The following CEP63 variants were observed in gnomAD, a reference collection of about 807,000 sequenced individuals.
CEP63 encodes the protein centrosomal protein of 63 kDa.
CEP63 carries 84 observed loss-of-function variants against 89.1 expected under a neutral mutation model. The ratio of observed to expected loss-of-function variants is 0.94; its 90% confidence interval spans 0.79 to 1.13. The LOEUF (loss-of-function observed/expected upper bound fraction) is 1.13, where lower values mean the gene tolerates loss of function less well. Among genes scored for constraint, CEP63 ranks in the 50% most tolerant of loss-of-function variants. CEP63 has a pLI of 0.00. For missense variants in CEP63, 838 were observed against 813.3 expected (o/e 1.03, Z -0.37); for synonymous variants, 267 against 272.5 (o/e 0.98, Z 0.20).
chr3:134,663,428 G>C, the CEP63 span, among the ~76,000 whole-genome samples: 1 of 152,204 alleles, frequency 6.6e-6, no homozygotes, highest in Non-Finnish European at 1.5e-5. Context: ...TCTCACTGCT[G>C]CAGAGCCTGT....
the CEP63 span, among the ~76,000 whole-genome samples, chr3:134,639,361 T>C: frequency 6.6e-6 from 1 of 152,162 alleles, no homozygotes; most frequent in Admixed American, 6.5e-5. Context: ...CATTATGAGA[T>C]GACAACCTAG....
At chr3:134,774,707 T>A in the CEP63 span, among the ~76,000 whole-genome samples, 2 of 152,174 alleles carry the variant, frequency 1.3e-5, no homozygotes. Flanking sequence ...TCAAGCCCAT[T>A]TGGGTCAGTA....
chr3:134,645,847 G>A, the CEP63 span, among the ~76,000 whole-genome samples: 1 of 152,206 alleles, frequency 6.6e-6, no homozygotes, highest in African/African-American at 2.4e-5. Flanking sequence ...AATAGTCAAT[G>A]TGTCACTTTG....
chr3:134,541,598 C>G (rs1421443410), intron 6 of CEP63, among the ~76,000 whole-genome samples: 1 of 150,648 alleles, frequency 6.6e-6, no homozygotes, highest in Non-Finnish European at 1.5e-5. Flanking sequence ...TCGCTGCAAC[C>G]TCCGCCTCCC....
rs1198871530 is a variant in CEP63 at position 134,546,217 on chromosome 3, C to T, written c.858C>T (p.Ala286=). 1.2e-6 allele frequency: 2 copies of T among 1,613,694 alleles called. No individual in the cohort carries two copies. The highest frequency in any genetic ancestry group is 2.2e-5 in the East Asian group (1 of 44,808). The change falls in exon 8 of 15, where the codon GCC becomes GCT. Residue 286 remains alanine (A), a synonymous_variant. Coordinates refer to ENST00000675561, the MANE Select transcript of CEP63 (RefSeq NM_001353108.3). ...LQSQENLIHE[A]RIQKEKLQEK... is the part of the protein sequence containing the mutation. ...CTCAAGAAAATCTCATACATGAGGC[C>T]AGAATACAAAAGGAGAAGTTACAAG...
the CEP63 span, among the ~76,000 whole-genome samples, chr3:134,708,951 A>C: frequency 2.0e-5 from 3 of 152,076 alleles, no homozygotes; most frequent in African/African-American, 4.8e-5. Context: ...TCCTGGGAAG[A>C]GGGAGTCAGA....
chr3:134,766,580 T>C, the CEP63 span, among the ~76,000 whole-genome samples: 2 of 152,228 alleles, frequency 1.3e-5, no homozygotes, highest in Admixed American at 1.3e-4. Context: ...GCCTGCCCAC[T>C]TTCTCCTAGT....
At chr3:134,578,947 A>T (rs1958282209), downstream of CEP63, among the ~76,000 whole-genome samples, 1 of 151,942 alleles carries the variant, frequency 6.6e-6, no homozygotes, top group Non-Finnish European at 1.5e-5. Flanking sequence ...TAGTAGAGAC[A>T]TGGTTTCACC....
chr3:134,632,388 A>G, the CEP63 span, among the ~76,000 whole-genome samples: 3 of 152,046 alleles, frequency 2.0e-5, no homozygotes, highest in African/African-American at 7.2e-5. Flanking sequence ...AAAAAGTTGA[A>G]GAGAACTGAA....
At chr3:134,607,499 C>T in the CEP63 span, 50 of 985,582 alleles carry the variant, frequency 5.1e-5, no homozygotes, top group Non-Finnish European at 5.9e-5. Flanking sequence ...GTGGCAGAGA[C>T]GGTGCCACCA....
At chr3:134,505,573 G>A (rs755540861) in intron 2 of CEP63, among the ~76,000 whole-genome samples, 2 of 152,162 alleles carry the variant, frequency 1.3e-5, no homozygotes, top group African/African-American at 2.4e-5. Context: ...GTAGCAGGCA[G>A]GGCAGATCAA....
chr3:134,526,088 A>G (rs866729819), intron 3 of CEP63, among the ~76,000 whole-genome samples: 1 of 152,116 alleles, frequency 6.6e-6, no homozygotes, highest in Non-Finnish European at 1.5e-5. Flanking sequence ...TAGATGTGGC[A>G]TCTTTACATA....
Position 134,561,924 on chromosome 3 carries a change from T to C in CEP63, c.*389T>C. ...TCTTTAGGGGAAATGTGTAGAAGCATGGATTTAGGGGTCAAACATACCTGG... is the reference window on the plus strand; with the variant it reads ...TCTTTAGGGGAAATGTGTAGAAGCACGGATTTAGGGGTCAAACATACCTGG... On this transcript the variant is annotated 3_prime_UTR_variant, in exon 15 of 15. Coordinates refer to ENST00000675561, the MANE Select transcript of CEP63 (RefSeq NM_001353108.3). 1 of 1,054,880 alleles carries C rather than the reference T, an allele frequency of 9.5e-7. No individual in the cohort carries two copies. Among genetic ancestry groups the C allele is most frequent in the Non-Finnish European group, 1.1e-6 (1 of 871,636 alleles). The allele number at this position is 1,054,880 out of a possible 1,614,324, so 65.3% of individuals were successfully genotyped here. A position where few individuals can be genotyped will look rare whatever the true frequency, so the allele number is the denominator to read the frequency against.
chr3:134,620,639 C>G, the CEP63 span: 8 of 746,430 alleles, frequency 1.1e-5, no homozygotes, highest in Admixed American at 1.1e-4. Flanking sequence ...GGGTCCCTGT[C>G]CCCCACCTTT....
At chr3:134,527,945 TG>T (rs1948997947) in intron 3 of CEP63, among the ~76,000 whole-genome samples, 1 of 152,188 alleles carries the variant, frequency 6.6e-6, no homozygotes, top group Non-Finnish European at 1.5e-5. Flanking sequence ...TGGCTATCCC[TG>T]GCCATGCCCC....
Position 134,561,932 on chromosome 3 carries a change from G to C in CEP63, c.*397G>C. On this transcript the variant is annotated 3_prime_UTR_variant, in exon 15 of 15. Coordinates refer to ENST00000675561, the MANE Select transcript of CEP63 (RefSeq NM_001353108.3). ...GGAAATGTGTAGAAGCATGGATTTA[G>C]GGGTCAAACATACCTGGATCGATAG... 1 of 1,046,390 alleles carries C rather than the reference G, an allele frequency of 9.6e-7. No individual in the cohort carries two copies. The highest frequency in any genetic ancestry group is 1.2e-6 in the Non-Finnish European group (1 of 866,484). The allele number at this position is 1,046,390 out of a possible 1,614,324, so 64.8% of individuals were successfully genotyped here.
At chr3:134,718,160 A>G in the CEP63 span, among the ~76,000 whole-genome samples, 1 of 152,176 alleles carries the variant, frequency 6.6e-6, no homozygotes, top group Non-Finnish European at 1.5e-5. Flanking sequence ...TAGAATGGGC[A>G]TGTAACCCAA....
chr3:134,539,512 AT>A (rs542016226), intron 6 of CEP63, among the ~76,000 whole-genome samples: 221 of 152,322 alleles, frequency 1.5e-3, no homozygotes, highest in African/African-American at 5.0e-3. Flanking sequence ...ATATAATTTA[AT>A]ATCCAGTCTG....
chr3:134,505,289 G>A (rs1412421257), intron 2 of CEP63, among the ~76,000 whole-genome samples: 1 of 151,768 alleles, frequency 6.6e-6, no homozygotes. Context: ...TCATATAGGT[G>A]TATCTATAGT....
Sources: gnomAD v4.1 joint callset for allele counts (sites outside exome capture counted in the v4.1 genomes callset) on GRCh38, gnomAD v4.1.1 for gene constraint, MANE v1.5 for transcripts, NCBI Gene and HGNC (gene_info 2026-07-23, HGNC 2026-07-21) for gene names.